MYH1: variants seen among roughly 807,000 people sequenced by gnomAD.
MYH1 encodes the protein myosin heavy chain 1, also known as myosin-1.
Under a neutral mutation model 225.6 loss-of-function variants are expected in MYH1, and 214 were observed. The ratio of observed to expected loss-of-function variants is 0.95; its 90% CI spans 0.85 to 1.06. MYH1 has a LOEUF of 1.06. MYH1 is among the 50% of genes least tolerant of loss of function. The probability of loss-of-function intolerance (pLI) is 0.00; values close to 1 mark genes in which losing one functional copy is unlikely to be tolerated. For synonymous variants in MYH1, 774 were observed against 842.3 expected (o/e 0.92, Z 1.40); for missense variants, 2,098 against 2,344.2 (o/e 0.89, Z 2.17).
chr17:10,501,115 C>T lies in MYH1; in HGVS notation c.3733G>A (p.Ala1245Thr). ...ATGTGAAGTGTTGATTGTACCTTGG[C>T]TTTGGAGACAGTCTCCATGTTACTA... ...LASNMETVSK[A>T]KGNLEKMCRA... Residue 1245 changes from alanine (A) to threonine (T), a missense_variant, in exon 27 of 40, where the codon GCC (alanine) becomes ACC (threonine). By Grantham distance (58) the Ala-to-Thr change is moderately conservative. Transcript: ENST00000226207. The T allele has an allele frequency of 6.2e-7, 1 of 1,613,788 alleles. No individual in the cohort carries two copies. Among genetic ancestry groups the T allele is most frequent in the Non-Finnish European group, 8.5e-7 (1 of 1,179,704 alleles).
intron 20 of MYH1, 40 bp downstream of exon 20, chr17:10,505,348 G>T (rs749018756): frequency 6.2e-7 from 1 of 1,614,170 alleles, no homozygotes; most frequent in Non-Finnish European, 8.5e-7. Context: ...AAAGTTCAAA[G>T]GGACAGGAAT....
chr17:10,505,085 G>A lies in MYH1; in HGVS notation c.2436-20C>T. The A allele has an allele frequency of 6.2e-7, 1 of 1,613,414 alleles. No homozygotes were observed. Among genetic ancestry groups the A allele is most frequent in the Non-Finnish European group, 8.5e-7 (1 of 1,179,662 alleles). On this transcript the variant is annotated intron_variant, in intron 21 of 39. Coordinates refer to ENST00000226207, the MANE Select transcript of MYH1 (RefSeq NM_005963.4). ...GACTCTCTGTCATAGGAACAGAAAT[G>A]TCCAAATCAGATTATAATAAGAAGC...
At chr17:10,506,207 G>T in intron 17 of MYH1, 108 bp from the exon 18 acceptor site, 1 of 1,369,148 alleles carries the variant, frequency 7.3e-7, no homozygotes, top group Non-Finnish European at 1.0e-6. Context: ...CTAATGAATA[G>T]TATCCAGATG....
In MYH1 at chr17:10,514,008, A is replaced by G. The variant is rs2073199911; in HGVS notation, c.648+2T>C. The G allele has an allele frequency of 6.2e-7, 1 of 1,613,974 alleles. No homozygotes were observed. Among genetic ancestry groups the G allele is most frequent in the African/African-American group, 1.3e-5 (1 of 74,940 alleles). ...TGGATTCTGACTAACAATCAGACTC[A>G]CCTGCATTTTGCCAGAAGTAACTTC... On this transcript the variant is annotated splice_donor_variant, in intron 7 of 39. Coordinates refer to ENST00000226207, the MANE Select transcript of MYH1 (RefSeq NM_005963.4). LOFTEE classifies it high-confidence loss of function.
chr17:10,495,653 C>T (rs939088655), intron 35 of MYH1, among the ~76,000 whole-genome samples: 1 of 150,346 alleles, frequency 6.7e-6, no homozygotes, highest in Non-Finnish European at 1.5e-5. Flanking sequence ...CCCAGGTACT[C>T]CGGAGGCTGA....
At chr17:10,504,309 T>C (rs557362004) in intron 22 of MYH1, among the ~76,000 whole-genome samples, 1 of 152,354 alleles carries the variant, frequency 6.6e-6, no homozygotes, top group East Asian at 1.9e-4. Flanking sequence ...CCATTATCCT[T>C]ACAGAAAGCA....
At chr17:10,499,235 C>G in intron 28 of MYH1, 143 bp from the exon 29 acceptor site, 1 of 711,226 alleles carries the variant, frequency 1.4e-6, no homozygotes, top group East Asian at 2.6e-5. Context: ...CCGCTTTAAC[C>G]TTGATAAGCA....
rs137922006 is a variant in MYH1, at chr17:10,517,730, A to G, written c.-41+510T>C. Among the ~76,000 whole-genome samples, 143 of 151,792 alleles carry G rather than the reference A, an allele frequency of 9.4e-4. 1 individual carries two copies. Among genetic ancestry groups the G allele is most frequent in the African/African-American group, 2.5e-3 (105 of 41,296 alleles). ...TATACATATGTGTGTGTGTGTGTGT[A>G]TATATTCGTTAATTTTTATTTTATA... On this transcript the variant is annotated intron_variant, in intron 2 of 39. Coordinates refer to ENST00000226207, the MANE Select transcript of MYH1 (RefSeq NM_005963.4).
In MYH1 at chr17:10,496,384, C is replaced by T. The variant is rs1263984378; in HGVS notation, c.4822G>A (p.Glu1608Lys). 2.5e-6 allele frequency: 4 copies of T among 1,614,078 alleles called. No individual in the cohort carries two copies. Among genetic ancestry groups the T allele is most frequent in the Non-Finnish European group, 3.4e-6 (4 of 1,180,022 alleles). The change falls in exon 34 of 40, where the codon GAG becomes AAG. Residue 1608 changes from glutamate to lysine, a missense_variant. Coordinates refer to ENST00000226207, the MANE Select transcript of MYH1 (RefSeq NM_005963.4). Reference sequence around the variant, plus strand: ...ATGGCATCATTCCTGCTCCTGATCTCAGCATCCAGTGTGCTCTGCATGGAC... The same window carrying T: ...ATGGCATCATTCCTGCTCCTGATCTTAGCATCCAGTGTGCTCTGCATGGAC... Reference protein sequence around the residue: ...VESMQSTLDAEIRSRNDAIRL... With the variant: ...VESMQSTLDAKIRSRNDAIRL...
At chr17:10,493,564 C>A (rs777774474) in intron 39 of MYH1, among the ~76,000 whole-genome samples, 1 of 152,200 alleles carries the variant, frequency 6.6e-6, no homozygotes, top group African/African-American at 2.4e-5. Flanking sequence ...TAACCAAGAC[C>A]TTCTGAGTTT....
intron 17 of MYH1, 131 bp from the exon 18 acceptor site, chr17:10,506,230 G>C: frequency 8.5e-7 from 1 of 1,182,728 alleles, no homozygotes; most frequent in Non-Finnish European, 1.2e-6. Flanking sequence ...AATTTTCAAA[G>C]AGTTATCTCT....
chr17:10,511,458 C>T (rs2073169345), intron 14 of MYH1, among the ~76,000 whole-genome samples: 1 of 152,122 alleles, frequency 6.6e-6, no homozygotes, highest in Admixed American at 6.5e-5. Context: ...GTGCTGCCTG[C>T]ATGCTTGGGG....
At position 10,512,894 on chromosome 17, in the gene MYH1, T is replaced by A. The variant is rs757538092; in HGVS notation, c.877A>T (p.Met293Leu). 1.2e-6 allele frequency: 2 copies of A among 1,613,236 alleles called. No homozygotes were observed. The highest frequency in any genetic ancestry group is 1.7e-5 in the Admixed American group (1 of 60,012). Residue 293 changes from methionine to leucine, a missense_variant, in exon 10 of 40, where the codon ATG (methionine) becomes TTG (leucine). Physicochemically the swap from Met to Leu is conservative, Grantham distance 15. Coordinates refer to ENST00000226207, the MANE Select transcript of MYH1 (RefSeq NM_005963.4). ...ATTAGATCTGGCTTCTTGTTAGACA[T>A]GATCTGATAAAAAATATGATAGCTT... is the stretch of plus-strand genomic sequence containing the variant. The part of the protein sequence containing the change: ...ERSYHIFYQI[M>L]SNKKPDLIEM...
intron 4 of MYH1, 53 bp from the exon 5 acceptor site, chr17:10,516,135 A>G: frequency 6.2e-7 from 1 of 1,613,478 alleles, no homozygotes. Flanking sequence ...GACCTTAATC[A>G]TCTACTACTT....
chr17:10,498,836 G>A lies in MYH1; in HGVS notation c.3985-14C>T. 1 of 1,613,548 alleles carries A rather than the reference G, an allele frequency of 6.2e-7. No individual in the cohort carries two copies. Among genetic ancestry groups the A allele is most frequent in the South Asian group, 1.1e-5 (1 of 90,998 alleles). The stretch of plus-strand genomic sequence containing the variant: ...GGCACTCTTGGCCTGAGAACATAGA[G>A]ATTGATGACTTAATTTTATATATTT... On this transcript the variant is annotated splice_polypyrimidine_tract_variant and intron_variant, in intron 29 of 39. Coordinates refer to ENST00000226207, the MANE Select transcript of MYH1 (RefSeq NM_005963.4).
intron 28 of MYH1, among the ~76,000 whole-genome samples, chr17:10,500,056 A>C (rs889420141): frequency 3.3e-5 from 5 of 152,308 alleles, no homozygotes; most frequent in South Asian, 2.1e-4. Context: ...GTGGTCTTGA[A>C]TATTTCCCTA....
intron 19 of MYH1, 22 bp from the exon 20 acceptor site, chr17:10,505,533 A>G: frequency 6.2e-7 from 1 of 1,610,580 alleles, no homozygotes; most frequent in Non-Finnish European, 8.5e-7. Context: ...AGACAAAAAA[A>G]TGATATGGCT....
chr17:10,505,163 C>T lies in MYH1; in HGVS notation c.2435G>A (p.Arg812Lys), dbSNP rs1339318881. 4 of 1,613,928 alleles carry T rather than the reference C, an allele frequency of 2.5e-6. No individual in the cohort carries two copies. The highest frequency in any genetic ancestry group is 3.4e-6 in the Non-Finnish European group (4 of 1,180,010). Residue 812 changes from arginine to lysine, a missense_variant and splice_region_variant, in exon 21 of 40, where the codon AGA becomes AAA. Transcript: ENST00000226207. ...TTAAGTAAAGAATTCTTATTAATAC[C>T]TTCTTTCCACCATTTTCTGGTACTC... ...RVEYQKMVER[R>K]ESIFCIQYNV...
Position 10,501,918 on chromosome 17 carries a change from G to A in MYH1, c.3112-7C>T. On this transcript the variant is annotated splice_region_variant and splice_polypyrimidine_tract_variant and intron_variant, in intron 24 of 39. Transcript: ENST00000226207. Reference sequence around the variant, plus strand: ...GTTCCAAAGATCCTTCAAGCTAAAAGTTAATAATCCATGAATATGGTTCTT... The same window carrying A: ...GTTCCAAAGATCCTTCAAGCTAAAAATTAATAATCCATGAATATGGTTCTT... 1 of 1,598,170 alleles carries A rather than the reference G, an allele frequency of 6.3e-7. No individual in the cohort carries two copies. The highest frequency in any genetic ancestry group is 1.2e-5 in the South Asian group (1 of 86,586).
Sources: gnomAD v4.1 joint callset for allele counts (sites outside exome capture counted in the v4.1 genomes callset) on GRCh38, gnomAD v4.1.1 for gene constraint, MANE v1.5 for transcripts, NCBI Gene and HGNC (gene_info 2026-07-23, HGNC 2026-07-21) for gene names.